The following PID1 variants were observed in gnomAD, a reference collection of about 807,000 sequenced individuals.
PID1 encodes phosphotyrosine interaction domain containing 1.
In PID1, 10 loss-of-function variants were observed where a neutral mutation model predicts 19.1. That is an observed-to-expected ratio of 0.52 (90% CI 0.32 to 0.89). The LOEUF (loss-of-function observed/expected upper bound fraction) is 0.89. PID1 is among the 40% of genes least tolerant of loss of function. The pLI, the probability that PID1 is intolerant of heterozygous loss-of-function variation, is 0.03. For synonymous variants in PID1, 130 were observed against 116.0 expected, an observed-to-expected ratio of 1.12 and a Z score of -0.78; for missense variants, 248 against 285.3, an observed-to-expected ratio of 0.87 and a Z score of 0.94.
rs578250423 is a variant in PID1 at position 229,126,085 on chromosome 2, GACT to G, written c.177+29730_177+29732del. On this transcript the variant is annotated intron_variant, in intron 2 of 2. Coordinates refer to ENST00000392055, the MANE Select transcript of PID1 (RefSeq NM_001100818.2). Reference sequence around the variant, plus strand: ...CCATCCCGCAAAGATCCTAAAATGTGACTACATCACGAGTTTGCAACACTCCCA... The same window carrying G: ...CCATCCCGCAAAGATCCTAAAATGTGACATCACGAGTTTGCAACACTCCCA... 1.7e-3 allele frequency among the ~76,000 whole-genome samples: 262 copies of G among 152,158 alleles called. 1 individual carries two copies. The highest frequency in any genetic ancestry group is 5.9e-3 in the African/African-American group (246 of 41,508).
intron 1 of PID1, among the ~76,000 whole-genome samples, chr2:229,246,755 T>C (rs1356996476): frequency 1.3e-5 from 2 of 152,192 alleles, no homozygotes; most frequent in African/African-American, 2.4e-5. Context: ...CTGGGAATAG[T>C]TAAAATTTCC....
At chr2:229,252,422 C>T (rs1690177591) in intron 1 of PID1, among the ~76,000 whole-genome samples, 1 of 152,104 alleles carries the variant, frequency 6.6e-6, no homozygotes, top group African/African-American at 2.4e-5. Flanking sequence ...AACTGCTTGC[C>T]TACTCCTAGG....
chr2:229,079,377 A>T (rs1199060796), intron 2 of PID1, among the ~76,000 whole-genome samples: 1 of 152,228 alleles, frequency 6.6e-6, no homozygotes, highest in Admixed American at 6.5e-5. Flanking sequence ...TTTTTAATTT[A>T]AAAATAACAT....
chr2:229,153,082 G>T (rs1690290474), intron 2 of PID1, among the ~76,000 whole-genome samples: 1 of 152,130 alleles, frequency 6.6e-6, no homozygotes, highest in African/African-American at 2.4e-5. Context: ...ACTGGACTTT[G>T]TTCTTGAAGA....
chr2:229,124,462 A>G (rs150835968), intron 2 of PID1, among the ~76,000 whole-genome samples: 235 of 152,326 alleles, frequency 1.5e-3, no homozygotes, highest in African/African-American at 5.4e-3. Flanking sequence ...TTAATGTTGT[A>G]AACAGTTATA....
intron 2 of PID1, among the ~76,000 whole-genome samples, chr2:229,109,288 G>A (rs570890195): frequency 2.3e-4 from 35 of 152,116 alleles, no homozygotes; most frequent in Middle Eastern, 3.4e-3. Context: ...CAAGCTCTTC[G>A]GGCTGCAGAA....
intron 1 of PID1, among the ~76,000 whole-genome samples, chr2:229,209,244 C>A (rs1318190382): frequency 1.3e-5 from 2 of 152,192 alleles, no homozygotes; most frequent in East Asian, 3.9e-4. Context: ...CAACCACTTG[C>A]AAACCCTCAC....
chr2:229,042,987 G>T (rs951893673), intron 2 of PID1, among the ~76,000 whole-genome samples: 3 of 149,554 alleles, frequency 2.0e-5, no homozygotes, highest in Non-Finnish European at 4.4e-5. Context: ...CGCAGAAAGA[G>T]AGAGAGAGGA....
chr2:229,206,120 G>A (rs1559284684), intron 1 of PID1, among the ~76,000 whole-genome samples: 1 of 152,056 alleles, frequency 6.6e-6, no homozygotes, highest in African/African-American at 2.4e-5. Context: ...AAAAATATAA[G>A]TATACACAAA....
At chr2:229,058,350 T>C (rs1374110234) in intron 2 of PID1, among the ~76,000 whole-genome samples, 1 of 152,202 alleles carries the variant, frequency 6.6e-6, no homozygotes, top group Non-Finnish European at 1.5e-5. Context: ...GGTCTTCCTC[T>C]GTTTGTTTGT....
intron 2 of PID1, among the ~76,000 whole-genome samples, chr2:229,046,373 T>C (rs2106179488): frequency 6.7e-6 from 1 of 148,374 alleles, no homozygotes; most frequent in Non-Finnish European, 1.5e-5. Context: ...TGTGTGTGTG[T>C]GTGTGTGCGT....
At chr2:229,146,492 A>T (rs1049654625) in intron 2 of PID1, among the ~76,000 whole-genome samples, 15 of 151,702 alleles carry the variant, frequency 9.9e-5, no homozygotes, top group Non-Finnish European at 1.9e-4. Context: ...CTTAAAGTAA[A>T]TTTTTAAAAA....
At chr2:229,120,366 T>C (rs1037385495) in intron 2 of PID1, among the ~76,000 whole-genome samples, 3 of 152,066 alleles carry the variant, frequency 2.0e-5, no homozygotes, top group African/African-American at 7.2e-5. Flanking sequence ...AGGAAAGAAA[T>C]GCTATTAAAA....
intron 1 of PID1, among the ~76,000 whole-genome samples, chr2:229,240,445 C>T (rs982984091): frequency 6.6e-6 from 1 of 152,140 alleles, no homozygotes; most frequent in Admixed American, 6.6e-5. Context: ...AGCAAAACAT[C>T]TTGTTTTCAT....
At chr2:229,093,406 G>A (rs536361445) in intron 2 of PID1, among the ~76,000 whole-genome samples, 1 of 151,794 alleles carries the variant, frequency 6.6e-6, no homozygotes, top group Admixed American at 6.7e-5. Context: ...TTACAGGAGC[G>A]AGCCATCAAG....
chr2:229,113,017 T>C (rs942510979), intron 2 of PID1, among the ~76,000 whole-genome samples: 1 of 152,164 alleles, frequency 6.6e-6, no homozygotes, highest in Admixed American at 6.5e-5. Flanking sequence ...CGTATGCTAA[T>C]ATCTAAATTC....
chr2:229,081,104 T>A (rs1265379679), intron 2 of PID1, among the ~76,000 whole-genome samples: 1 of 152,240 alleles, frequency 6.6e-6, no homozygotes, highest in African/African-American at 2.4e-5. Context: ...CTTACTATGT[T>A]ACACATATTC....
At chr2:229,249,466 A>G (rs921913817) in intron 1 of PID1, among the ~76,000 whole-genome samples, 56 of 152,356 alleles carry the variant, frequency 3.7e-4, no homozygotes, top group African/African-American at 1.3e-3. Flanking sequence ...GAAGCATGAC[A>G]TAAATATATT....
At chr2:229,198,921 T>C (rs1691433773) in intron 1 of PID1, among the ~76,000 whole-genome samples, 1 of 152,104 alleles carries the variant, frequency 6.6e-6, no homozygotes, top group African/African-American at 2.4e-5. Flanking sequence ...TCAGATTATA[T>C]AATGTCGACT....
Sources: allele counts gnomAD v4.1 joint callset (sites outside exome capture counted in the v4.1 genomes callset), GRCh38; gene constraint gnomAD v4.1.1; transcripts MANE v1.5; gene names NCBI Gene and HGNC (gene_info 2026-07-23, HGNC 2026-07-21).